ANO2: variants seen among roughly 807,000 people sequenced by gnomAD.
ANO2 encodes anoctamin 2, also known as anoctamin-2.
Under a neutral mutation model 124.2 loss-of-function variants are expected in ANO2, and 101 were observed. The observed-to-expected ratio is 0.81, with a 90% CI of 0.69 to 0.96. ANO2 has a LOEUF of 0.96. Ranked by LOEUF, ANO2 falls within the 40% of genes least tolerant of loss-of-function variation. The pLI is 0.00. For missense variants in ANO2, 1,293 were observed against 1,274.5 expected, an observed-to-expected ratio of 1.01 and a Z score of -0.22; for synonymous variants, 486 against 482.5, an observed-to-expected ratio of 1.01 and a Z score of -0.09.
At chr12:5,835,578 A>G (rs1954289238) in intron 4 of ANO2, among the ~76,000 whole-genome samples, 1 of 152,204 alleles carries the variant, frequency 6.6e-6, no homozygotes, top group South Asian at 2.1e-4. Context: ...TTGCAAAGCC[A>G]AGAGAGTTAA....
chr12:5,681,097 CAG>C (rs1565560551), intron 14 of ANO2, among the ~76,000 whole-genome samples: 1 of 151,986 alleles, frequency 6.6e-6, no homozygotes, highest in Non-Finnish European at 1.5e-5. Context: ...AACCTGCACA[CAG>C]GGATTTGCAC....
At position 5,827,904 on chromosome 12, in the gene ANO2, G is replaced by C. The variant is rs572577939; in HGVS notation, c.841-84C>G. 44 of 1,480,066 alleles carry C rather than the reference G, an allele frequency of 3.0e-5. No individual in the cohort carries two copies. The East Asian group carries it at 9.8e-4, about 33-fold the overall frequency. The allele number at this position is 1,480,066 out of a possible 1,614,324, so 91.7% of individuals were successfully genotyped here. ...TGTCACCCTCACCACTGCCTGGCAG[G>C]GGCGGGAGGCGCCCGGGCTCATTTG... On this transcript the variant is annotated intron_variant, in intron 6 of 24. Coordinates refer to ENST00000682330, the MANE Select transcript of ANO2 (RefSeq NM_001364791.2).
chr12:5,610,147 T>G (rs1944426915), intron 19 of ANO2, among the ~76,000 whole-genome samples: 1 of 131,274 alleles, frequency 7.6e-6, no homozygotes, highest in African/African-American at 2.9e-5. Context: ...TATAAATATA[T>G]TTATATATAC....
At chr12:5,850,999 AT>A (rs1303547522) in intron 4 of ANO2, among the ~76,000 whole-genome samples, 1 of 152,036 alleles carries the variant, frequency 6.6e-6, no homozygotes, top group Admixed American at 6.5e-5. Context: ...GCTCTGAGAG[AT>A]GGGATGACGT....
intron 22 of ANO2, among the ~76,000 whole-genome samples, chr12:5,577,129 C>T (rs1404150884): frequency 1.3e-5 from 2 of 152,226 alleles, no homozygotes; most frequent in African/African-American, 2.4e-5. Context: ...CAACTTGCAC[C>T]TTATTTCTAA....
chr12:5,803,651 A>C (rs1193048831), intron 9 of ANO2, among the ~76,000 whole-genome samples: 1 of 152,118 alleles, frequency 6.6e-6, no homozygotes, highest in Non-Finnish European at 1.5e-5. Flanking sequence ...CAGCTGCTGG[A>C]AGCCAGGAGG....
At chr12:5,843,766 A>C (rs1954598979) in intron 4 of ANO2, among the ~76,000 whole-genome samples, 1 of 152,128 alleles carries the variant, frequency 6.6e-6, no homozygotes, top group Non-Finnish European at 1.5e-5. Context: ...ATCCTGAGCG[A>C]CTCTGCTAGG....
chr12:5,852,483 T>C (rs1954941896), intron 4 of ANO2, among the ~76,000 whole-genome samples: 1 of 152,202 alleles, frequency 6.6e-6, no homozygotes. Flanking sequence ...GGAGTTATTG[T>C]CCATTGTAAT....
At chr12:5,856,361 T>C (rs1955096700) in intron 3 of ANO2, 1 of 152,172 alleles carries the variant, frequency 6.6e-6, no homozygotes, top group Non-Finnish European at 1.5e-5. Flanking sequence ...GCAGATGTTC[T>C]AAGTTTGAGG....
chr12:5,574,895 A>C (rs1390345604), intron 23 of ANO2, among the ~76,000 whole-genome samples: 1 of 152,122 alleles, frequency 6.6e-6, no homozygotes, highest in Non-Finnish European at 1.5e-5. Flanking sequence ...CATCTCTTCA[A>C]ATTCAACAAC....
chr12:5,790,108 G>C (rs1345438736), intron 10 of ANO2, among the ~76,000 whole-genome samples: 1 of 152,208 alleles, frequency 6.6e-6, no homozygotes, highest in African/African-American at 2.4e-5. Context: ...GATTCCCACA[G>C]ACAGAACTGC....
intron 20 of ANO2, among the ~76,000 whole-genome samples, chr12:5,581,563 C>A (rs1453460780): frequency 2.0e-5 from 3 of 152,196 alleles, no homozygotes; most frequent in Non-Finnish European, 4.4e-5. Context: ...TCTTTACCTT[C>A]ACAAACTCTC....
rs188661085 is a variant in ANO2 at position 5,834,002 on chromosome 12, G to A, written c.634-1399C>T. 2.3e-3 allele frequency among the ~76,000 whole-genome samples: 356 copies of A among 152,044 alleles called. 5 individuals carry two copies. The highest frequency in any genetic ancestry group is 1.6e-3 in the East Asian group (8 of 5,140). ...CCTGAGAGTACCCAGTAAGGGAAAG[G>A]CACTCAGCTGAGCCCAGTCTTCCAG... On this transcript the variant is annotated intron_variant, in intron 4 of 24. Transcript: ENST00000682330.
chr12:5,878,209 G>A (rs946935090), intron 3 of ANO2, among the ~76,000 whole-genome samples: 8 of 152,224 alleles, frequency 5.3e-5, no homozygotes, highest in Admixed American at 3.3e-4. Context: ...CAGATTGTGC[G>A]TGATGTATTT....
At chr12:5,714,590 A>G (rs1447551842) in intron 14 of ANO2, among the ~76,000 whole-genome samples, 1 of 152,142 alleles carries the variant, frequency 6.6e-6, no homozygotes, top group African/African-American at 2.4e-5. Flanking sequence ...AGTTATTGCT[A>G]TTGTTGTAAT....
chr12:5,720,840 C>A (rs1278561501), intron 14 of ANO2, among the ~76,000 whole-genome samples: 4 of 152,188 alleles, frequency 2.6e-5, no homozygotes. Flanking sequence ...AATTTAGACC[C>A]TGGCCAGTAG....
chr12:5,686,227 TG>T (rs1278463563), intron 14 of ANO2, among the ~76,000 whole-genome samples: 1 of 152,202 alleles, frequency 6.6e-6, no homozygotes, highest in Non-Finnish European at 1.5e-5. Context: ...TCTTACAGGC[TG>T]TCAGCCAAAC....
intron 23 of ANO2, 139 bp from the exon 24 acceptor site, chr12:5,565,802 G>C (rs977613912): frequency 1.5e-6 from 1 of 652,546 alleles, no homozygotes; most frequent in Non-Finnish European, 2.6e-6. Flanking sequence ...AGGGGGAAGT[G>C]GGGGGAATCT....
intron 14 of ANO2, among the ~76,000 whole-genome samples, chr12:5,712,620 G>C (rs1949858754): frequency 6.6e-6 from 1 of 152,160 alleles, no homozygotes; most frequent in Non-Finnish European, 1.5e-5. Flanking sequence ...GTTGTTTTAA[G>C]CCCTCCCGTT....
Sources: gnomAD v4.1 joint callset for allele counts (sites outside exome capture counted in the v4.1 genomes callset) on GRCh38, gnomAD v4.1.1 for gene constraint, MANE v1.5 for transcripts, NCBI Gene and HGNC (gene_info 2026-07-23, HGNC 2026-07-21) for gene names.